Variants in ZNF710 observed in about 807,000 individuals in gnomAD.
The protein encoded by ZNF710 is zinc finger protein 710.
In ZNF710, 13 loss-of-function variants were observed where a neutral mutation model predicts 50.6. The ratio of observed to expected loss-of-function variants is 0.26; its 90% CI spans 0.17 to 0.41. The LOEUF (loss-of-function observed/expected upper bound fraction) is 0.41. Among genes scored for constraint, ZNF710 ranks in the 10% least tolerant of loss-of-function variants. The pLI is 1.00. For missense variants in ZNF710, 721 were observed against 936.6 expected (o/e 0.77, Z 3.01); for synonymous variants, 383 against 397.0 (o/e 0.96, Z 0.42).
At chr15:90,039,342 C>T (rs1351271123) in intron 1 of ZNF710, among the ~76,000 whole-genome samples, 1 of 151,734 alleles carries the variant, frequency 6.6e-6, no homozygotes, top group Non-Finnish European at 1.5e-5. Context: ...ACTGGCAGGG[C>T]AGATGTTCTC....
chr15:90,014,122 A>T (rs1898386786), intron 1 of ZNF710, among the ~76,000 whole-genome samples: 2 of 151,890 alleles, frequency 1.3e-5, no homozygotes, highest in South Asian at 4.1e-4. Context: ...CCGGTCTTGG[A>T]CAAAGCCAGT....
At chr15:90,077,449 T>G (rs1161723647) in intron 4 of ZNF710, among the ~76,000 whole-genome samples, 1 of 152,022 alleles carries the variant, frequency 6.6e-6, no homozygotes, top group Non-Finnish European at 1.5e-5. Flanking sequence ...TTTCACGGTG[T>G]TAGCCAGGAT....
chr15:90,064,878 T>C (rs965368606), intron 1 of ZNF710, among the ~76,000 whole-genome samples: 1 of 152,104 alleles, frequency 6.6e-6, no homozygotes, highest in African/African-American at 2.4e-5. Flanking sequence ...AACCCTTCCA[T>C]GGGTGAGTGT....
At chr15:90,075,871 G>A (rs1410930877) in intron 4 of ZNF710, 1 of 152,222 alleles carries the variant, frequency 6.6e-6, no homozygotes, top group Non-Finnish European at 1.5e-5. Flanking sequence ...CTGGGATCTT[G>A]CTGGCCTCTC....
At chr15:90,002,261 G>A (rs1012686195) in intron 1 of ZNF710, among the ~76,000 whole-genome samples, 14 of 151,700 alleles carry the variant, frequency 9.2e-5, no homozygotes, top group Non-Finnish European at 1.8e-4. Context: ...CCGCTGGCGG[G>A]GCTGGGGGCG....
At chr15:90,061,401 A>G (rs1900004073) in intron 1 of ZNF710, among the ~76,000 whole-genome samples, 2 of 151,876 alleles carry the variant, frequency 1.3e-5, no homozygotes, top group South Asian at 4.2e-4. Flanking sequence ...CAAACTCCTG[A>G]GCTCAAGTGA....
intron 2 of ZNF710, among the ~76,000 whole-genome samples, chr15:90,070,719 T>G (rs2151532555): frequency 6.6e-6 from 1 of 152,128 alleles, no homozygotes; most frequent in African/African-American, 2.4e-5. Context: ...CACATGAGAC[T>G]GAAGCAGGAG....
chr15:90,058,109 T>G (rs965260356), intron 1 of ZNF710, among the ~76,000 whole-genome samples: 12 of 151,978 alleles, frequency 7.9e-5, no homozygotes. Context: ...GCCTGGGGAA[T>G]GGATCAAGAG....
intron 1 of ZNF710, among the ~76,000 whole-genome samples, chr15:90,042,186 C>T (rs1899316291): frequency 2.6e-5 from 4 of 152,124 alleles, no homozygotes; most frequent in Non-Finnish European, 4.4e-5. Flanking sequence ...CGAGAGCCAC[C>T]GTGCCCGGCC....
At chr15:90,058,721 A>ATATATATATATATATATATATATATG (rs1567236953) in intron 1 of ZNF710, among the ~76,000 whole-genome samples, 2 of 144,656 alleles carry the variant, frequency 1.4e-5, no homozygotes, top group East Asian at 3.9e-4. Flanking sequence ...ATATATATAC[A>ATATATATATATATATATATATATATG]CACATATACA....
chr15:90,035,883 A>C (rs1443429915), intron 1 of ZNF710, among the ~76,000 whole-genome samples: 13 of 152,158 alleles, frequency 8.5e-5, no homozygotes, highest in Admixed American at 6.5e-4. Flanking sequence ...ACGAAACCAA[A>C]TGTGAGCCCT....
intron 1 of ZNF710, chr15:90,002,500 T>G (rs1898039532): frequency 6.6e-6 from 1 of 152,218 alleles, no homozygotes; most frequent in Non-Finnish European, 1.5e-5. Context: ...CCTAATTGGA[T>G]GGAGCTGTGG....
rs1297629125 is a variant in ZNF710 at position 90,012,951 on chromosome 15, A to T, written c.-29+11337A>T. On this transcript the variant is annotated intron_variant, in intron 1 of 4. Transcript: ENST00000268154. ...CACTTTATTTCTTTAATCATATTAA[A>T]CACGTTTATTTTGTATTCTGTATCC... is the stretch of plus-strand genomic sequence containing the variant. Among the ~76,000 whole-genome samples the T allele has an allele frequency of 2.0e-5, 3 of 152,100 alleles. No individual in the cohort carries two copies. The East Asian group carries it at 5.8e-4, about 29-fold the overall frequency.
At chr15:90,045,340 CG>C in intron 1 of ZNF710, 2 of 985,388 alleles carry the variant, frequency 2.0e-6, no homozygotes, top group Non-Finnish European at 2.4e-6. Context: ...CTGGAAATGG[CG>C]GATGGCTTCA....
At chr15:90,018,507 C>T (rs1020631054) in intron 1 of ZNF710, among the ~76,000 whole-genome samples, 1 of 152,194 alleles carries the variant, frequency 6.6e-6, no homozygotes, top group Non-Finnish European at 1.5e-5. Context: ...CATTTCTTGT[C>T]GCCACCTAGA....
intron 1 of ZNF710, chr15:90,025,036 C>T (rs948681461): frequency 6.6e-6 from 1 of 152,128 alleles, no homozygotes; most frequent in Non-Finnish European, 1.5e-5. Flanking sequence ...GGTTGGATTT[C>T]ACTGGCTGTT....
chr15:90,065,574 C>G (rs1398810547), intron 1 of ZNF710, among the ~76,000 whole-genome samples: 1 of 150,022 alleles, frequency 6.7e-6, no homozygotes, highest in East Asian at 2.0e-4. Flanking sequence ...CAGGGGTCAG[C>G]AGGGTTGGGA....
chr15:90,050,961 G>C (rs776242405), intron 1 of ZNF710, among the ~76,000 whole-genome samples: 26 of 152,120 alleles, frequency 1.7e-4, no homozygotes, highest in Non-Finnish European at 3.2e-4. Context: ...GCACAGGCTG[G>C]GGCACCGTGG....
At chr15:90,000,628 T>G (rs945735119), upstream of ZNF710, among the ~76,000 whole-genome samples, 3 of 152,194 alleles carry the variant, frequency 2.0e-5, no homozygotes, top group African/African-American at 7.2e-5. Context: ...AACAGCTGTT[T>G]AAAGGCTTTT....
Sources: allele counts gnomAD v4.1 joint callset (sites outside exome capture counted in the v4.1 genomes callset), GRCh38; gene constraint gnomAD v4.1.1; transcripts MANE v1.5; gene names NCBI Gene and HGNC (gene_info 2026-07-23, HGNC 2026-07-21).